The following EXOC4 variants were observed in gnomAD, a reference collection of about 807,000 sequenced individuals.
EXOC4 encodes exocyst complex component 4.
Under a neutral mutation model 107.2 loss-of-function variants are expected in EXOC4, and 71 were observed. The observed-to-expected ratio is 0.66, with a 90% CI of 0.55 to 0.81. The LOEUF (loss-of-function observed/expected upper bound fraction) is 0.81. Among genes scored for constraint, EXOC4 ranks in the 30% least tolerant of loss-of-function variants. EXOC4 has a pLI of 0.00. For synonymous variants in EXOC4, 456 were observed against 441.2 expected (o/e 1.03, Z -0.42); for missense variants, 1,108 against 1,189.6 (o/e 0.93, Z 1.01).
chr7:133,571,071 T>TTAGAATCTTCTAGATTCTAGAATCTTC (rs1192728456), intron 9 of EXOC4, among the ~76,000 whole-genome samples: 1 of 152,196 alleles, frequency 6.6e-6, no homozygotes, highest in African/African-American at 2.4e-5. Context: ...TTTAAGTAAC[T>TTAGAATCTTCTAGATTCTAGAATCTTC]TAGAATCTTC....
At chr7:133,485,665 T>C (rs1453094905) in intron 9 of EXOC4, among the ~76,000 whole-genome samples, 1 of 152,214 alleles carries the variant, frequency 6.6e-6, no homozygotes, top group Non-Finnish European at 1.5e-5. Flanking sequence ...TGACCCAGAG[T>C]GCAAGCCTTA....
At chr7:133,952,867 G>C (rs1292043105) in intron 14 of EXOC4, among the ~76,000 whole-genome samples, 1 of 152,206 alleles carries the variant, frequency 6.6e-6, no homozygotes, top group Non-Finnish European at 1.5e-5. Context: ...TTGAATGGCT[G>C]TACCACACTT....
At chr7:133,663,542 C>CTT (rs1422711553) in intron 10 of EXOC4, among the ~76,000 whole-genome samples, 1 of 152,172 alleles carries the variant, frequency 6.6e-6, no homozygotes, top group Non-Finnish European at 1.5e-5. Context: ...ATTCCACACT[C>CTT]TATGTTCAAC....
At chr7:134,004,011 C>T (rs1384113649) in intron 15 of EXOC4, among the ~76,000 whole-genome samples, 1 of 152,096 alleles carries the variant, frequency 6.6e-6, no homozygotes, top group Non-Finnish European at 1.5e-5. Flanking sequence ...CAAGCATCAC[C>T]TTCTGTCAGG....
At position 134,064,507 on chromosome 7, in the gene EXOC4, CAAG is replaced by C; in HGVS notation, c.2909_2911del (p.Lys970del). The C allele has an allele frequency of 1.2e-6, 2 of 1,603,624 alleles. No individual in the cohort carries two copies. Among genetic ancestry groups the C allele is most frequent in the Non-Finnish European group, 8.5e-7 (1 of 1,174,870 alleles). ...CTGCCATCAAGCAAGCCACCAAGGA[CAAG>C]AAGATAACTACCGTTTAGCAGGGCG... On this transcript the variant is annotated inframe_deletion, in exon 18 of 18. Transcript: ENST00000253861.
chr7:133,677,557 C>T (rs567043964), intron 10 of EXOC4, among the ~76,000 whole-genome samples: 242 of 152,206 alleles, frequency 1.6e-3, no homozygotes, highest in African/African-American at 5.4e-3. Flanking sequence ...TGTTTTGCTC[C>T]GATTTTTAAT....
chr7:133,857,148 G>GTATATA (rs60382657), intron 11 of EXOC4, among the ~76,000 whole-genome samples: 10 of 20,712 alleles, frequency 4.8e-4, no homozygotes, highest in Non-Finnish European at 7.3e-4. Context: ...ACACATACAC[G>GTATATA]TATATATATA....
rs1417584884 is a variant in EXOC4 at position 133,667,284 on chromosome 7, T to C, written c.1514+37143T>C. ...CATGCTGGCTTTCTAACCTGCTTGC[T>C]GCAAGAGCAGTTGTGAGCAATGATG... On this transcript the variant is annotated intron_variant, in intron 10 of 17. Coordinates refer to ENST00000253861, the MANE Select transcript of EXOC4 (RefSeq NM_021807.4). 2.6e-5 allele frequency among the ~76,000 whole-genome samples: 4 copies of C among 152,342 alleles called. 1 individual carries two copies. Among genetic ancestry groups the C allele is most frequent in the African/African-American group, 9.6e-5 (4 of 41,574 alleles).
At chr7:133,881,125 A>T (rs975174270) in intron 11 of EXOC4, among the ~76,000 whole-genome samples, 4 of 152,138 alleles carry the variant, frequency 2.6e-5, no homozygotes, top group Non-Finnish European at 4.4e-5. Flanking sequence ...TTAATTATTT[A>T]TATTTTCTTG....
At chr7:133,989,101 GAAAAGA>G (rs985823732) in intron 14 of EXOC4, among the ~76,000 whole-genome samples, 26 of 152,020 alleles carry the variant, frequency 1.7e-4, no homozygotes, top group Admixed American at 9.2e-4. Flanking sequence ...GTAGATAACA[GAAAAGA>G]AAAAATAAAT....
intron 10 of EXOC4, among the ~76,000 whole-genome samples, chr7:133,812,082 A>G (rs1404926940): frequency 1.3e-5 from 2 of 152,136 alleles, no homozygotes; most frequent in Non-Finnish European, 2.9e-5. Context: ...TCCAAGTATT[A>G]ACCTAATGTT....
At chr7:133,755,304 ATAT>A (rs1795889960) in intron 10 of EXOC4, among the ~76,000 whole-genome samples, 1 of 116,948 alleles carries the variant, frequency 8.6e-6, no homozygotes, top group Non-Finnish European at 1.7e-5. Context: ...TATATATATT[ATAT>A]ATATATTATA....
intron 10 of EXOC4, among the ~76,000 whole-genome samples, chr7:133,751,209 A>G (rs73453261): frequency 7.9e-5 from 12 of 152,278 alleles, no homozygotes; most frequent in African/African-American, 2.9e-4. Context: ...TTTATTAGCA[A>G]TTCTCTGGTA....
At chr7:133,921,017 AT>A (rs1342250792) in intron 13 of EXOC4, among the ~76,000 whole-genome samples, 1 of 152,210 alleles carries the variant, frequency 6.6e-6, no homozygotes, top group Non-Finnish European at 1.5e-5. Flanking sequence ...TAATTGACTG[AT>A]TATAGGAATT....
intron 17 of EXOC4, among the ~76,000 whole-genome samples, chr7:134,010,902 GTC>G (rs1327386966): frequency 1.3e-5 from 2 of 152,082 alleles, no homozygotes; most frequent in South Asian, 2.1e-4. Context: ...TTGTTATCTT[GTC>G]TCTCTCTTTT....
At chr7:133,476,608 G>T (rs897888549) in intron 8 of EXOC4, among the ~76,000 whole-genome samples, 11 of 152,160 alleles carry the variant, frequency 7.2e-5, no homozygotes, top group Admixed American at 5.9e-4. Context: ...TGATCTAGCA[G>T]AGAGGAGATT....
At chr7:133,544,541 A>G (rs1055424178) in intron 9 of EXOC4, among the ~76,000 whole-genome samples, 1 of 152,096 alleles carries the variant, frequency 6.6e-6, no homozygotes, top group African/African-American at 2.4e-5. Context: ...CTCCTATAAG[A>G]AACTAAATTA....
chr7:133,271,111 G>C (rs934772685), intron 1 of EXOC4, among the ~76,000 whole-genome samples: 2 of 151,834 alleles, frequency 1.3e-5, no homozygotes, highest in African/African-American at 2.4e-5. Context: ...GTAGAGACAG[G>C]GTTTCACCAT....
Position 133,267,298 on chromosome 7 carries a change from C to T in EXOC4, c.87-7684C>T, listed in dbSNP as rs75896209. On this transcript the variant is annotated intron_variant, in intron 1 of 17. Coordinates refer to ENST00000253861, the MANE Select transcript of EXOC4 (RefSeq NM_021807.4). ...AAAAGCTCACAAAGTTGGGCCTGGT[C>T]TGGCTCCCAGTTTTCTCCTTGATTC... Among the ~76,000 whole-genome samples the T allele has an allele frequency of 8.6e-3, 1,307 of 152,274 alleles. 24 individuals carry two copies. Among genetic ancestry groups the T allele is most frequent in the African/African-American group, 0.03 (1,228 of 41,556 alleles).
Sources: allele counts gnomAD v4.1 joint callset (sites outside exome capture counted in the v4.1 genomes callset), GRCh38; gene constraint gnomAD v4.1.1; transcripts MANE v1.5; gene names NCBI Gene and HGNC (gene_info 2026-07-23, HGNC 2026-07-21).